Variants in SPAG4 observed in about 807,000 individuals in gnomAD.
The protein encoded by SPAG4 is sperm associated antigen 4.
In SPAG4, 54 loss-of-function variants were observed where a neutral mutation model predicts 53.9. The ratio of observed to expected loss-of-function variants is 1.00; its 90% CI spans 0.80 to 1.26. The LOEUF is 1.26. Among genes scored for constraint, SPAG4 ranks in the 50% most tolerant of loss-of-function variants. SPAG4 has a pLI of 0.00. For missense variants in SPAG4, 548 were observed against 568.6 expected, an observed-to-expected ratio of 0.96 and a Z score of 0.37; for synonymous variants, 246 against 237.4, an observed-to-expected ratio of 1.04 and a Z score of -0.33.
chr20:35,618,169 G>A (rs774867452), intron 5 of SPAG4, 39 bp downstream of exon 5: 1 of 1,598,900 alleles, frequency 6.3e-7, no homozygotes, highest in Non-Finnish European at 8.5e-7. Flanking sequence ...GGGGTTGGCA[G>A]GTTGTGAACC....
rs573286491 is a variant in SPAG4, at chr20:35,619,122, AGCCCCCGC to A, written c.794-59_794-52del. On this transcript the variant is annotated intron_variant, in intron 8 of 11. Coordinates refer to ENST00000374273, the MANE Select transcript of SPAG4 (RefSeq NM_003116.3). ...CCTCGGACAGCCCCCACCCGCCCCC[AGCCCCCGC>A]GCCCCCGCGCCCCGACTCCCGGCAA... 0.011 allele frequency: 2,831 copies of A among 261,690 alleles called. 45 individuals carry two copies. In the African/African-American group the frequency reaches 0.13, roughly 12 times the overall value. 16.2% of individuals were successfully genotyped at this position (261,690 alleles called of 1,614,324 possible).
rs759732887 is a variant in SPAG4 at position 35,620,735 on chromosome 20, G to A, written c.1129G>A (p.Asp377Asn). ...AGTTTCCTTGGGGAAATTCACCTTC[G>A]ATGTTGAGAAATCGGAGATTCAGAC... ...TEVSLGKFTF[D>N]VEKSEIQTFH... is the part of the protein sequence containing the mutation. Residue 377 changes from aspartate to asparagine, a missense_variant, in exon 11 of 12, where the codon GAT becomes AAT. Coordinates refer to ENST00000374273, the MANE Select transcript of SPAG4 (RefSeq NM_003116.3). The A allele has an allele frequency of 1.1e-4, 168 of 1,599,428 alleles. No homozygotes were observed. Among genetic ancestry groups the A allele is most frequent in the Non-Finnish European group, 1.3e-4 (153 of 1,172,816 alleles).
chr20:35,620,649 CCT>C, intron 10 of SPAG4, 33 bp from the exon 11 acceptor site: 1 of 1,177,082 alleles, frequency 8.5e-7, no homozygotes, highest in Non-Finnish European at 1.3e-6. Context: ...CACCTGTCCC[CCT>C]CATAGTTCCT....
Position 35,619,587 on chromosome 20 carries a change from G to GTTCCCTGGGAATTGCTGGGCTTTTGA in SPAG4, c.919_944dup (p.Glu315AspfsTer17). ...CCTCCGCCCGCCTGCAGCCCCACGT[G>GTTCCCTGGGAATTGCTGGGCTTTTGA]TTCCCTGGGAATTGCTGGGCTTTTG... is the stretch of plus-strand genomic sequence containing the variant. On this transcript the variant is annotated frameshift_variant, in exon 10 of 12. Coordinates refer to ENST00000374273, the MANE Select transcript of SPAG4 (RefSeq NM_003116.3). LOFTEE classifies it high-confidence loss of function. 2.5e-6 allele frequency: 4 copies of GTTCCCTGGGAATTGCTGGGCTTTTGA among 1,613,548 alleles called. No homozygotes were observed. The highest frequency in any genetic ancestry group is 3.4e-6 in the Non-Finnish European group (4 of 1,179,678).
Position 35,618,107 on chromosome 20 carries a change from T to C in SPAG4, c.559T>C (p.Tyr187His). ...FLSAFWLGLL[Y>H]LVSPLENEPK... ...TCCAGCATTCTGGCTGGGGCTTCTG[T>C]ACCTGGTCTCTCCTTTGGAGAATGT... The change falls in exon 5 of 12, where the codon TAC (tyrosine) becomes CAC (histidine). Residue 187 changes from tyrosine to histidine, a missense_variant. Coordinates refer to ENST00000374273, the MANE Select transcript of SPAG4 (RefSeq NM_003116.3). 2 of 1,613,820 alleles carry C rather than the reference T, an allele frequency of 1.2e-6. No individual in the cohort carries two copies. Among genetic ancestry groups the C allele is most frequent in the Non-Finnish European group, 1.7e-6 (2 of 1,179,872 alleles).
At chr20:35,619,341 C>G (rs1453885287) in intron 9 of SPAG4, 31 bp downstream of exon 9, 4 of 1,585,920 alleles carry the variant, frequency 2.5e-6, no homozygotes, top group Non-Finnish European at 3.5e-6. Context: ...GGATGGGACC[C>G]CGGGCGGGAC....
At chr20:35,619,456 T>G in intron 9 of SPAG4, 123 bp from the exon 10 acceptor site, 1 of 1,408,922 alleles carries the variant, frequency 7.1e-7, no homozygotes, top group Non-Finnish European at 9.9e-7. Context: ...TGCTGGGGAC[T>G]GGGGCGGGCT....
chr20:35,619,384 G>A (rs1021050399), intron 9 of SPAG4, 74 bp downstream of exon 9: 84 of 1,471,126 alleles, frequency 5.7e-5, no homozygotes, highest in Non-Finnish European at 7.1e-5. Flanking sequence ...CGCCCTACAG[G>A]CGGAGCTTGG....
chr20:35,617,650 G>A, intron 3 of SPAG4, 64 bp downstream of exon 3: 1 of 1,589,638 alleles, frequency 6.3e-7, no homozygotes, highest in Non-Finnish European at 8.6e-7. Flanking sequence ...AGCAGGGCCG[G>A]AACCTTGCTG....
chr20:35,619,595 G>C lies in SPAG4; in HGVS notation c.926G>C (p.Gly309Ala). The C allele has an allele frequency of 6.2e-7, 1 of 1,613,708 alleles. No individual in the cohort carries two copies. Among genetic ancestry groups the C allele is most frequent in the African/African-American group, 1.3e-5 (1 of 75,036 alleles). The change falls in exon 10 of 12, where the codon GGG becomes GCG. Residue 309 changes from glycine to alanine, a missense_variant. Physicochemically the swap from Gly to Ala is moderately conservative, Grantham distance 60 (BLOSUM62 0). Coordinates refer to ENST00000374273, the MANE Select transcript of SPAG4 (RefSeq NM_003116.3). ...CGCCTGCAGCCCCACGTGTTCCCTGGGAATTGCTGGGCTTTTGAAGGCGAC... is the reference window on the plus strand; with the variant it reads ...CGCCTGCAGCCCCACGTGTTCCCTGCGAATTGCTGGGCTTTTGAAGGCGAC... ...TVILEPHVFP[G>A]NCWAFEGDQG... is the part of the protein sequence containing the mutation.
At position 35,616,147 on chromosome 20, in the gene SPAG4, G is replaced by A; in HGVS notation, c.144G>A (p.Glu48=). The A allele has an allele frequency of 2.5e-6, 4 of 1,603,556 alleles. No homozygotes were observed. Among genetic ancestry groups the A allele is most frequent in the Non-Finnish European group, 3.4e-6 (4 of 1,175,890 alleles). The stretch of plus-strand genomic sequence containing the variant: ...CGGAGCCCGGGCCTGGGGAGCCCGA[G>A]GGCAGAAGAGCCCGGGGCCCGAGCT... ...RSAEPGPGEP[E]GRRARGPSCG... The change falls in exon 1 of 12, where the codon GAG becomes GAA. Residue 48 remains glutamate (E), a synonymous_variant. Transcript: ENST00000374273.
Position 35,617,184 on chromosome 20 carries a change from C to G in SPAG4, c.353C>G (p.Pro118Arg). 1.2e-6 allele frequency: 2 copies of G among 1,601,452 alleles called. No homozygotes were observed. The highest frequency in any genetic ancestry group is 1.7e-6 in the Non-Finnish European group (2 of 1,174,098). The change falls in exon 2 of 12, where the codon CCG becomes CGG. Residue 118 changes from proline to arginine, a missense_variant. Coordinates refer to ENST00000374273, the MANE Select transcript of SPAG4 (RefSeq NM_003116.3). ...VVSEEPLDLL[P>R]TLDLRQEMPP... is the part of the protein sequence containing the mutation. ...TCTGAGGAGCCGCTCGACCTTCTCC[C>G]GACCCTGGATCTGAGGCAGGAGATG...
chr20:35,618,208 C>T (rs1048185814), intron 5 of SPAG4, 78 bp downstream of exon 5: 7 of 1,425,498 alleles, frequency 4.9e-6, no homozygotes, highest in East Asian at 2.3e-5. Context: ...CCTGGACTGT[C>T]GGTCTGCTGG....
Position 35,619,663 on chromosome 20 carries a change from A to G in SPAG4, c.994A>G (p.Ser332Gly). ...CCAACTGCCGGGCCGAGTGCAGCTG[A>G]GCGACATCACTCTGCAGCATCCACC... ...VIQLPGRVQL[S>G]DITLQHPPPS... Residue 332 changes from serine to glycine, a missense_variant, in exon 10 of 12, where the codon AGC becomes GGC. Physicochemically the swap from Ser to Gly is moderately conservative, Grantham distance 56. Coordinates refer to ENST00000374273, the MANE Select transcript of SPAG4 (RefSeq NM_003116.3). 1 of 1,614,014 alleles carries G rather than the reference A, an allele frequency of 6.2e-7. No homozygotes were observed. Among genetic ancestry groups the G allele is most frequent in the Non-Finnish European group, 8.5e-7 (1 of 1,180,018 alleles).
intron 8 of SPAG4, 37 bp from the exon 9 acceptor site, chr20:35,619,158 C>A: frequency 1.3e-6 from 2 of 1,481,536 alleles, no homozygotes; most frequent in Non-Finnish European, 1.9e-6. Flanking sequence ...CCCGGCAAGG[C>A]CTGGGAGCCT....
At chr20:35,618,238 G>T (rs2031453606) in intron 5 of SPAG4, 108 bp downstream of exon 5, 4 of 1,207,930 alleles carry the variant, frequency 3.3e-6, no homozygotes, top group Non-Finnish European at 4.7e-6. Context: ...AGTGCCAGAG[G>T]CTACAATCCT....
intron 8 of SPAG4, 85 bp downstream of exon 8, chr20:35,619,083 G>C: frequency 6.8e-7 from 1 of 1,462,126 alleles, no homozygotes. Context: ...GCACCTGACC[G>C]GCCGAAGACA....
At chr20:35,619,997 G>A (rs2031522126) in intron 10 of SPAG4, among the ~76,000 whole-genome samples, 1 of 152,076 alleles carries the variant, frequency 6.6e-6, no homozygotes. Context: ...AGACAGTCTC[G>A]CTCTTGTCAC....
At position 35,618,988 on chromosome 20, in the gene SPAG4, G is replaced by A. The variant is rs2031481963; in HGVS notation, c.783G>A (p.Leu261=). 2 of 1,613,854 alleles carry A rather than the reference G, an allele frequency of 1.2e-6. No homozygotes were observed. The highest frequency in any genetic ancestry group is 2.7e-5 in the African/African-American group (2 of 74,948). The change falls in exon 8 of 12, where the codon TTG becomes TTA. Residue 261 remains leucine, a synonymous_variant. Transcript: ENST00000374273. The part of the protein sequence containing the change: ...EDFVRKPDYA[L]SSVGASIDLQ... Reference sequence around the variant, plus strand: ...TTGTGCGGAAGCCCGACTATGCTTTGAGCTCTGTGGGTAAGACCCGGAGAC... The same window carrying A: ...TTGTGCGGAAGCCCGACTATGCTTTAAGCTCTGTGGGTAAGACCCGGAGAC...
Sources: allele counts gnomAD v4.1 joint callset (sites outside exome capture counted in the v4.1 genomes callset), GRCh38; gene constraint gnomAD v4.1.1; transcripts MANE v1.5; gene names NCBI Gene and HGNC (gene_info 2026-07-23, HGNC 2026-07-21).